The following RAB4B variants were observed in gnomAD, a reference collection of about 807,000 sequenced individuals.
The protein encoded by RAB4B is ras-related protein Rab-4B.
Under a neutral mutation model 28.3 loss-of-function variants are expected in RAB4B, and 15 were observed. The observed-to-expected ratio is 0.53, with a 90% CI of 0.35 to 0.82. The LOEUF is 0.82. Ranked by LOEUF, RAB4B falls within the 40% of genes least tolerant of loss-of-function variation. RAB4B has a pLI of 0.01. For missense variants in RAB4B, 244 were observed against 288.5 expected (o/e 0.85, Z 1.12); for synonymous variants, 108 against 116.3 (o/e 0.93, Z 0.46).
intron 7 of RAB4B, chr19:40,792,679 C>T (rs2083169650): frequency 6.6e-6 from 1 of 152,230 alleles, no homozygotes; most frequent in Admixed American, 6.5e-5. Flanking sequence ...ACATAACATA[C>T]ATTTACGTGA....
At chr19:40,793,572 G>C (rs74572674) in intron 7 of RAB4B, among the ~76,000 whole-genome samples, 1 of 125,414 alleles carries the variant, frequency 8.0e-6, no homozygotes, top group African/African-American at 3.2e-5. Flanking sequence ...TTTCTTTTTT[G>C]TTTTTTTTTT....
intron 1 of RAB4B, among the ~76,000 whole-genome samples, chr19:40,778,749 A>C (rs1599737037): frequency 6.6e-6 from 1 of 151,888 alleles, no homozygotes; most frequent in Admixed American, 6.6e-5. Flanking sequence ...GGCTAGAGGG[A>C]ACACTGAATG....
chr19:40,786,591 G>C (rs2083101350), intron 5 of RAB4B, 74 bp from the exon 6 acceptor site: 2 of 1,592,128 alleles, frequency 1.3e-6, no homozygotes, highest in African/African-American at 1.3e-5. Context: ...AACAGGATGA[G>C]AGTCAGCAGG....
chr19:40,792,231 T>C (rs1436336544), intron 7 of RAB4B: 1 of 152,244 alleles, frequency 6.6e-6, no homozygotes, highest in Non-Finnish European at 1.5e-5. Flanking sequence ...TTGCACCTGC[T>C]GTGCCTGAGC....
intron 5 of RAB4B, 27 bp from the exon 6 acceptor site, chr19:40,786,638 C>T: frequency 1.2e-6 from 2 of 1,613,252 alleles, no homozygotes; most frequent in Non-Finnish European, 1.7e-6. Context: ...AACTGGGGCC[C>T]TGACCTCAGA....
rs1203786741 is a variant in RAB4B at position 40,786,835 on chromosome 19, C to T, written c.527-13C>T. 1 of 1,614,122 alleles carries T rather than the reference C, an allele frequency of 6.2e-7. No homozygotes were observed. Among genetic ancestry groups the T allele is most frequent in the South Asian group, 1.1e-5 (1 of 91,080 alleles). ...TCCAGGCAACCAATGCTGACCTCTC[C>T]CCTTCCCCACAGGCGAGCTAGACCC... On this transcript the variant is annotated splice_polypyrimidine_tract_variant and intron_variant, in intron 6 of 7. Transcript: ENST00000357052.
intron 7 of RAB4B, among the ~76,000 whole-genome samples, chr19:40,790,351 T>C (rs1197478874): frequency 6.7e-6 from 1 of 149,062 alleles, no homozygotes; most frequent in Non-Finnish European, 1.5e-5. Flanking sequence ...TCTTGGCCTC[T>C]CTCTTTTTTT....
At chr19:40,795,718 T>G (rs1465236918) in intron 7 of RAB4B, among the ~76,000 whole-genome samples, 3 of 141,064 alleles carry the variant, frequency 2.1e-5, no homozygotes, top group African/African-American at 8.0e-5. Flanking sequence ...ATTTATTTAT[T>G]TATTTTGAGA....
At chr19:40,780,943 AAG>A (rs2145038266) in intron 3 of RAB4B, among the ~76,000 whole-genome samples, 1 of 152,022 alleles carries the variant, frequency 6.6e-6, no homozygotes, top group Non-Finnish European at 1.5e-5. Context: ...GGAAAAGAGC[AAG>A]AGAGACAGAG....
intron 7 of RAB4B, among the ~76,000 whole-genome samples, chr19:40,793,050 T>C (rs1162119429): frequency 6.6e-6 from 1 of 152,098 alleles, no homozygotes; most frequent in Admixed American, 6.6e-5. Flanking sequence ...GTGCTGGGAT[T>C]ACAGGTGTGA....
At position 40,786,957 on chromosome 19, in the gene RAB4B, C is replaced by T; in HGVS notation, c.636C>T (p.Gly212=). Residue 212 remains glycine, a synonymous_variant, in exon 7 of 8, where the codon GGC becomes GGT. Transcript: ENST00000357052. ...SAQAVAPQPC[G]C is the part of the protein sequence containing the mutation. ...AGGCCGTGGCCCCTCAGCCGTGTGG[C>T]TGCTGAGCTCTGTGGAGCCAGGTGG... The T allele has an allele frequency of 6.2e-7, 1 of 1,613,736 alleles. No homozygotes were observed. Among genetic ancestry groups the T allele is most frequent in the Non-Finnish European group, 8.5e-7 (1 of 1,179,792 alleles).
At chr19:40,786,127 T>G (rs2083096356) in intron 5 of RAB4B, 3 of 139,762 alleles carry the variant, frequency 2.1e-5, no homozygotes, top group Admixed American at 7.5e-5. Context: ...GGTAGAGGGG[T>G]CAAGGCCAAG....
intron 1 of RAB4B, 167 bp from the exon 2 acceptor site, chr19:40,779,852 A>G (rs1008926643): frequency 2.5e-5 from 37 of 1,477,078 alleles, no homozygotes; most frequent in Non-Finnish European, 3.2e-5. Context: ...GGCAAGTACT[A>G]CATAAGAGTT....
chr19:40,787,905 T>C (rs2083116493), intron 7 of RAB4B, among the ~76,000 whole-genome samples: 1 of 134,588 alleles, frequency 7.4e-6, no homozygotes, highest in African/African-American at 2.8e-5. Context: ...GAGGGTGCAG[T>C]GAGCCAAGAT....
At chr19:40,783,147 C>CA (rs1168587843) in intron 3 of RAB4B, among the ~76,000 whole-genome samples, 2,026 of 35,094 alleles carry the variant, frequency 0.058, 97 homozygotes, top group East Asian at 0.068. Context: ...GATTCCTACT[C>CA]AAAAAAAAAA....
intron 2 of RAB4B, 44 bp from the exon 3 acceptor site, chr19:40,780,341 C>CT (rs1253316879): frequency 1.3e-6 from 2 of 1,537,116 alleles, no homozygotes; most frequent in East Asian, 4.8e-5. Flanking sequence ...TCTGAGCTGT[C>CT]TCCTCTCTCC....
chr19:40,779,714 G>T, intron 1 of RAB4B: 1 of 419,084 alleles, frequency 2.4e-6, no homozygotes, highest in South Asian at 2.7e-5. Context: ...TTGCACTCCA[G>T]CCTGGGCAAC....
rs1443636148 is a variant in RAB4B, at chr19:40,786,632, G to A, written c.431-33G>A. 5 of 1,612,364 alleles carry A rather than the reference G, an allele frequency of 3.1e-6. No individual in the cohort carries two copies. In the African/African-American group the frequency reaches 5.3e-5, roughly 17 times the overall value. On this transcript the variant is annotated intron_variant, in intron 5 of 7. Coordinates refer to ENST00000357052, the MANE Select transcript of RAB4B (RefSeq NM_016154.5). The stretch of plus-strand genomic sequence containing the variant: ...GCTCAGTGGAGGGTGGGGACTAACT[G>A]GGGCCCTGACCTCAGAGTGTGTGCC...
Position 40,778,253 on chromosome 19 carries a change from G to T in RAB4B, c.-123G>T. On this transcript the variant is annotated 5_prime_UTR_variant, in exon 1 of 8. Coordinates refer to ENST00000357052, the MANE Select transcript of RAB4B (RefSeq NM_016154.5). Reference sequence around the variant, plus strand: ...GCCGGAGGGGGGCGGAGGCGGAAGTGGCGGTGCCGGGCCCGGGGAGTAGGA... The same window carrying T: ...GCCGGAGGGGGGCGGAGGCGGAAGTTGCGGTGCCGGGCCCGGGGAGTAGGA... 1 of 898,546 alleles carries T rather than the reference G, an allele frequency of 1.1e-6. No individual in the cohort carries two copies. Among genetic ancestry groups the T allele is most frequent in the Non-Finnish European group, 1.6e-6 (1 of 629,724 alleles). 55.7% of individuals were successfully genotyped at this position (898,546 alleles called of 1,614,324 possible). A position where few individuals can be genotyped will look rare whatever the true frequency, so the allele number is the denominator to read the frequency against.
Sources: gnomAD v4.1 joint callset for allele counts (sites outside exome capture counted in the v4.1 genomes callset) on GRCh38, gnomAD v4.1.1 for gene constraint, MANE v1.5 for transcripts, NCBI Gene and HGNC (gene_info 2026-07-23, HGNC 2026-07-21) for gene names.